The following PSG1 variants were observed in gnomAD, a reference collection of about 807,000 sequenced individuals.
PSG1 encodes pregnancy-specific beta-1-glycoprotein 1.
Under a neutral mutation model 41.4 loss-of-function variants are expected in PSG1, and 60 were observed. That is an observed-to-expected ratio of 1.45 (90% CI 1.18 to 1.80). PSG1 has a LOEUF of 1.80. Ranked by LOEUF, PSG1 falls within the 40% of genes most tolerant of loss-of-function variation. The pLI is 0.00. For missense variants in PSG1, 806 were observed against 516.9 expected, an observed-to-expected ratio of 1.56 and a Z score of -5.42; for synonymous variants, 256 against 192.9, an observed-to-expected ratio of 1.33 and a Z score of -2.71.
chr19:42,868,711 A>T (rs578152046), intron 4 of PSG1, 45 bp downstream of exon 4: 2 of 1,606,272 alleles, frequency 1.2e-6, no homozygotes. Flanking sequence ...GGTGGTTTGG[A>T]TTTAAGCTGG....
At chr19:42,876,092 G>A (rs771680269) in intron 2 of PSG1, among the ~76,000 whole-genome samples, 1 of 151,364 alleles carries the variant, frequency 6.6e-6, no homozygotes, top group South Asian at 2.1e-4. Flanking sequence ...CAGTGTTAGT[G>A]GGAAGGGAAC....
chr19:42,870,937 A>T (rs1971356373), intron 3 of PSG1, among the ~76,000 whole-genome samples: 1 of 151,686 alleles, frequency 6.6e-6, no homozygotes. Flanking sequence ...AGAATGATCT[A>T]GAAAGAGTGA....
At chr19:42,877,765 T>C in intron 2 of PSG1, 148 bp downstream of exon 2, 3 of 1,508,044 alleles carry the variant, frequency 2.0e-6, no homozygotes, top group Non-Finnish European at 1.8e-6. Flanking sequence ...GTCTCCTCTG[T>C]GTGTGTCCTG....
At position 42,867,602 on chromosome 19, in the gene PSG1, A is replaced by G. The variant is rs1054616833; in HGVS notation, c.1244-452T>C. On this transcript the variant is annotated intron_variant, in intron 5 of 5. Transcript: ENST00000436291. The stretch of plus-strand genomic sequence containing the variant: ...CATGTTACAAAGAAAGCAGATTGTT[A>G]CTGTACTTGTGCAAATATGTGTATT... 35 of 687,284 alleles carry G rather than the reference A, an allele frequency of 5.1e-5. No individual in the cohort carries two copies. In the Middle Eastern group the frequency reaches 3.4e-3, roughly 68 times the overall value. The allele number at this position is 687,284 out of a possible 1,614,324, so 42.6% of individuals were successfully genotyped here.
chr19:42,867,359 A>G, intron 5 of PSG1: 1 of 601,666 alleles, frequency 1.7e-6, no homozygotes, highest in Non-Finnish European at 2.9e-6. Flanking sequence ...CAGCAAGAGT[A>G]GCAATGGACC....
At position 42,877,948 on chromosome 19, in the gene PSG1, C is replaced by T. The variant is rs141671981; in HGVS notation, c.395G>A (p.Arg132Lys). ...GAAGGTGAAACGTCCAGTTACTCCT[C>T]TAGTCCCATCATCTCCCTTTATGAT... ...LHIIKGDDGT[R>K]GVTGRFTFTL... The change falls in exon 2 of 6, where the codon AGA becomes AAA. Residue 132 changes from arginine to lysine, a missense_variant. Coordinates refer to ENST00000436291, the MANE Select transcript of PSG1 (RefSeq NM_001184825.2). 1.2e-6 allele frequency: 2 copies of T among 1,612,254 alleles called. No homozygotes were observed. Among genetic ancestry groups the T allele is most frequent in the African/African-American group, 2.7e-5 (2 of 74,670 alleles).
chr19:42,875,287 A>G (rs1197713500), intron 2 of PSG1, among the ~76,000 whole-genome samples: 4 of 151,790 alleles, frequency 2.6e-5, no homozygotes, highest in Non-Finnish European at 4.4e-5. Flanking sequence ...TACTTTGTCC[A>G]GGGACTGCCT....
intron 2 of PSG1, among the ~76,000 whole-genome samples, chr19:42,872,629 G>A (rs1306653400): frequency 6.6e-6 from 1 of 151,620 alleles, no homozygotes; most frequent in East Asian, 1.9e-4. Context: ...ACGAGGTGGG[G>A]CAGTTTTCCC....
At chr19:42,872,163 A>T in intron 2 of PSG1, 118 bp from the exon 3 acceptor site, 3 of 1,403,736 alleles carry the variant, frequency 2.1e-6, no homozygotes, top group Non-Finnish European at 2.9e-6. Context: ...TTAAAAGCCC[A>T]TGGCAGGTGT....
At position 42,871,788 on chromosome 19, in the gene PSG1, G is replaced by T. The variant is rs761463589; in HGVS notation, c.688C>A (p.Pro230Thr). 6.2e-7 allele frequency: 1 copy of T among 1,612,528 alleles called. No individual in the cohort carries two copies. The highest frequency in any genetic ancestry group is 8.5e-7 in the Non-Finnish European group (1 of 1,179,232). ...TCACGGAGGAGATTCAGGGTGACTG[G>T]GTCACTGCGGCTGGCACTCACTGGG... ...RNPVSASRSDPVTLNLLPKLP... is the reference protein window; with the variant it reads ...RNPVSASRSDTVTLNLLPKLP... Residue 230 changes from proline to threonine, a missense_variant, in exon 3 of 6, where the codon CCA becomes ACA. By Grantham distance (38) the Pro-to-Thr change is conservative. Transcript: ENST00000436291.
chr19:42,869,319 C>G, intron 3 of PSG1: 1 of 622,666 alleles, frequency 1.6e-6, no homozygotes. Flanking sequence ...CCCTGGTACC[C>G]TTCCCAGGCC....
In PSG1 at chr19:42,879,637, T is replaced by C; in HGVS notation, c.-56A>G. ...GGAGATAAGCCTAGGATCCAGAAAC[T>C]CTCTGAGCACGGCTGTCAGCTGTGC... On this transcript the variant is annotated 5_prime_UTR_variant, in exon 1 of 6. Coordinates refer to ENST00000436291, the MANE Select transcript of PSG1 (RefSeq NM_001184825.2). 3 of 1,596,186 alleles carry C rather than the reference T, an allele frequency of 1.9e-6. No homozygotes were observed. Among genetic ancestry groups the C allele is most frequent in the South Asian group, 1.1e-5 (1 of 90,220 alleles).
rs1971747398 is a variant in PSG1 at position 42,879,030 on chromosome 19, T to C, written c.64+488A>G. On this transcript the variant is annotated intron_variant, in intron 1 of 5. Transcript: ENST00000436291. The stretch of plus-strand genomic sequence containing the variant: ...ATGATTAATCAGGAAAACAGAACAC[T>C]TAAGATTTTCCTACCTCTTACCAAT... Among the ~76,000 whole-genome samples, 3 of 151,002 alleles carry C rather than the reference T, an allele frequency of 2.0e-5. No homozygotes were observed. The South Asian group carries it at 6.3e-4, about 32-fold the overall frequency.
At chr19:42,878,657 G>T (rs1238034213) in intron 1 of PSG1, among the ~76,000 whole-genome samples, 1 of 147,862 alleles carries the variant, frequency 6.8e-6, no homozygotes, top group Non-Finnish European at 1.5e-5. Context: ...CAGAGACCCT[G>T]GGTCTTCCCT....
rs1971161418 is a variant in PSG1 at position 42,867,042 on chromosome 19, T to C, written c.*92A>G. The C allele has an allele frequency of 2.6e-6, 2 of 769,688 alleles. No individual in the cohort carries two copies. Among genetic ancestry groups the C allele is most frequent in the African/African-American group, 3.4e-5 (2 of 58,942 alleles). The allele number at this position is 769,688 out of a possible 1,614,324, so 47.7% of individuals were successfully genotyped here. On this transcript the variant is annotated 3_prime_UTR_variant, in exon 6 of 6. Transcript: ENST00000436291. Reference sequence around the variant, plus strand: ...TTCCCATGAAATTTACATTGAGTTGTCCACCTCCAGCTTATAGGGCTTCTG... The same window carrying C: ...TTCCCATGAAATTTACATTGAGTTGCCCACCTCCAGCTTATAGGGCTTCTG...
At chr19:42,876,307 C>G (rs1216173820) in intron 2 of PSG1, among the ~76,000 whole-genome samples, 1 of 151,344 alleles carries the variant, frequency 6.6e-6, no homozygotes, top group Non-Finnish European at 1.5e-5. Flanking sequence ...GCCCCCAGTT[C>G]CATAGTCCAG....
chr19:42,872,132 C>A lies in PSG1; in HGVS notation c.431-87G>T, dbSNP rs1473121216. 7.9e-6 allele frequency: 12 copies of A among 1,515,750 alleles called. No homozygotes were observed. The Admixed American group carries it at 2.4e-4, about 30-fold the overall frequency. 93.9% of individuals were successfully genotyped at this position (1,515,750 alleles called of 1,614,324 possible). ...TTTCAATCAGAATTGGCATTTCCCACCTCTCAGCCCACCCAAGTCCTTAAA... is the reference window on the plus strand; with the variant it reads ...TTTCAATCAGAATTGGCATTTCCCAACTCTCAGCCCACCCAAGTCCTTAAA... On this transcript the variant is annotated intron_variant, in intron 2 of 5. Transcript: ENST00000436291.
Position 42,868,986 on chromosome 19 carries a change from TC to T in PSG1, c.757del (p.Glu253ArgfsTer6). The T allele has an allele frequency of 6.2e-7, 1 of 1,610,652 alleles. No individual in the cohort carries two copies. The highest frequency in any genetic ancestry group is 2.2e-5 in the East Asian group (1 of 44,802). ...GGTGAAGTTTAAGACATCCTTATTC[TC>T]CCTGGGGTTTAAGTTGTTGATGGTG... ...YITINNLNPR[E>X]NKDVLNFTCE... is the part of the protein sequence containing the mutation. On this transcript the variant is annotated frameshift_variant, in exon 4 of 6. Coordinates refer to ENST00000436291, the MANE Select transcript of PSG1 (RefSeq NM_001184825.2). LOFTEE classifies it high-confidence loss of function.
At chr19:42,874,029 G>A (rs758363025) in intron 2 of PSG1, 1 of 151,572 alleles carries the variant, frequency 6.6e-6, no homozygotes, top group African/African-American at 2.4e-5. Context: ...ACAGTTATAG[G>A]TGGCACAGGC....
Sources: gnomAD v4.1 joint callset for allele counts (sites outside exome capture counted in the v4.1 genomes callset) on GRCh38, gnomAD v4.1.1 for gene constraint, MANE v1.5 for transcripts, NCBI Gene and HGNC (gene_info 2026-07-23, HGNC 2026-07-21) for gene names.